SORBS3: variants seen among roughly 807,000 people sequenced by gnomAD.
SORBS3 encodes sorbin and SH3 domain containing 3.
SORBS3 carries 69 observed loss-of-function variants against 98.0 expected under a neutral mutation model. That is an observed-to-expected ratio of 0.70 (90% CI 0.58 to 0.86). SORBS3 has a LOEUF of 0.86. Among genes scored for constraint, SORBS3 ranks in the 40% least tolerant of loss-of-function variants. The pLI, the probability that SORBS3 is intolerant of heterozygous loss-of-function variation, is 0.00. For missense variants in SORBS3, 954 were observed against 908.5 expected, an observed-to-expected ratio of 1.05 and a Z score of -0.64; for synonymous variants, 394 against 355.4, an observed-to-expected ratio of 1.11 and a Z score of -1.22.
chr8:22,566,888 T>G lies in SORBS3; in HGVS notation c.1190+20T>G. 6.2e-7 allele frequency: 1 copy of G among 1,602,072 alleles called. No homozygotes were observed. The highest frequency in any genetic ancestry group is 8.5e-7 in the Non-Finnish European group (1 of 1,174,148). Reference sequence around the variant, plus strand: ...CCCCAAGTAAGCGCCCTCCTCCCCCTCCCCTTCCACCCAAGGCAATCTCTG... The same window carrying G: ...CCCCAAGTAAGCGCCCTCCTCCCCCGCCCCTTCCACCCAAGGCAATCTCTG... On this transcript the variant is annotated intron_variant, in intron 15 of 20. Transcript: ENST00000240123.
Position 22,556,872 on chromosome 8 carries a change from C to A in SORBS3, c.378C>A (p.Pro126=). Residue 126 remains proline (P), a synonymous_variant, in exon 4 of 21, where the codon CCC becomes CCA. Transcript: ENST00000240123. ...GGGTCAAGTACGAGGGAATCGGGCC[C>A]GTGGACGAGAGCGGCATGCCCATTG... ...KRWVKYEGIG[P]VDESGMPIAP... is the part of the protein sequence containing the mutation. 1 of 1,613,304 alleles carries A rather than the reference C, an allele frequency of 6.2e-7. No homozygotes were observed. The highest frequency in any genetic ancestry group is 8.5e-7 in the Non-Finnish European group (1 of 1,180,028).
chr8:22,571,736 C>T lies in SORBS3; in HGVS notation c.1762C>T (p.Pro588Ser), dbSNP rs2117299541. ...CTCCCAGAATCTTGGCACCCCTGGT[C>T]CAGCTCTGTCCCACTCTCGAGGTCC... ...PQTQNLGTPG[P>S]ALSHSRGPSH... The change falls in exon 19 of 21, where the codon CCA (proline) becomes TCA (serine). Residue 588 changes from proline to serine, a missense_variant. Transcript: ENST00000240123. 6.2e-7 allele frequency: 1 copy of T among 1,613,810 alleles called. No homozygotes were observed. The highest frequency in any genetic ancestry group is 1.3e-5 in the African/African-American group (1 of 75,030).
chr8:22,545,456 G>C (rs1178137037), intron 1 of SORBS3: 1 of 152,270 alleles, frequency 6.6e-6, no homozygotes, highest in African/African-American at 2.4e-5. Flanking sequence ...AGAGTGAATG[G>C]GGTCAGTGTT....
intron 10 of SORBS3, 28 bp downstream of exon 10, chr8:22,564,549 C>A: frequency 6.2e-7 from 1 of 1,613,406 alleles, no homozygotes; most frequent in Non-Finnish European, 8.5e-7. Context: ...CTGGGGACAG[C>A]AGCCTGATAA....
Position 22,566,721 on chromosome 8 carries a change from G to C in SORBS3, c.1143+8G>C, listed in dbSNP as rs925099791. 1.9e-6 allele frequency: 3 copies of C among 1,613,458 alleles called. No homozygotes were observed. The highest frequency in any genetic ancestry group is 1.3e-5 in the African/African-American group (1 of 74,916). ...AGGAGGGAAGAGAAGAAGGTAAGGA[G>C]GGGACCAGGTGTGGGGGACCTGGAG... is the stretch of plus-strand genomic sequence containing the variant. On this transcript the variant is annotated splice_region_variant and intron_variant, in intron 14 of 20. Coordinates refer to ENST00000240123, the MANE Select transcript of SORBS3 (RefSeq NM_005775.5).
intron 19 of SORBS3, 43 bp downstream of exon 19, chr8:22,571,864 C>A: frequency 2.2e-6 from 3 of 1,379,312 alleles, no homozygotes; most frequent in South Asian, 2.3e-5. Context: ...TGGGGGGGGT[C>A]ACTGGCAGGC....
Position 22,566,927 on chromosome 8 carries a change from G to A in SORBS3, c.1190+59G>A, listed in dbSNP as rs535288562. 2,650 of 1,584,974 alleles carry A rather than the reference G, an allele frequency of 1.7e-3. 4 individuals are homozygous for A. Among genetic ancestry groups the A allele is most frequent in the South Asian group, 3.4e-3 (302 of 89,116 alleles). ...AGGCAATCTCTGCCATCCCAGAGGG[G>A]GATGGGGAGGGGGACTGGGCTGCAG... On this transcript the variant is annotated intron_variant, in intron 15 of 20. Coordinates refer to ENST00000240123, the MANE Select transcript of SORBS3 (RefSeq NM_005775.5).
At chr8:22,550,360 T>C (rs1314932302), upstream of SORBS3, among the ~76,000 whole-genome samples, 1 of 152,184 alleles carries the variant, frequency 6.6e-6, no homozygotes, top group East Asian at 1.9e-4. Context: ...GCCCCACAAC[T>C]GGCAGACTCA....
At chr8:22,572,277 C>T (rs896719753) in intron 19 of SORBS3, 63 bp from the exon 20 acceptor site, 46 of 1,351,170 alleles carry the variant, frequency 3.4e-5, no homozygotes, top group Middle Eastern at 1.8e-4. Context: ...TCACAGGAAG[C>T]GGCAACACTT....
In SORBS3 at chr8:22,565,350, C is replaced by T. The variant is rs1175921504; in HGVS notation, c.899C>T (p.Pro300Leu). 1 of 1,551,380 alleles carries T rather than the reference C, an allele frequency of 6.4e-7. No homozygotes were observed. The highest frequency in any genetic ancestry group is 1.9e-5 in the Admixed American group (1 of 51,292). Residue 300 changes from proline to leucine, a missense_variant, in exon 11 of 21, where the codon CCC (proline) becomes CTC (leucine). Pro to Leu is a moderately conservative substitution (Grantham distance 98, BLOSUM62 -3). Coordinates refer to ENST00000240123, the MANE Select transcript of SORBS3 (RefSeq NM_005775.5). ...LRAIETRLPS[P>L]KSSPAPRRAP... ...GCAATTGAGACCCGACTGCCGTCCCCCAAGGTACCAGCCCCCAGGGTTCAC... is the reference window on the plus strand; with the variant it reads ...GCAATTGAGACCCGACTGCCGTCCCTCAAGGTACCAGCCCCCAGGGTTCAC...
At chr8:22,565,943 G>A (rs1840404602) in intron 12 of SORBS3, 71 bp downstream of exon 12, 1 of 1,092,782 alleles carries the variant, frequency 9.2e-7, no homozygotes. Flanking sequence ...GCGCGGCCGG[G>A]CGGGGCGGAC....
At position 22,565,871 on chromosome 8, in the gene SORBS3, G is replaced by A. The variant is rs1200832716; in HGVS notation, c.949G>A (p.Gly317Ser). The change falls in exon 12 of 21, where the codon GGC becomes AGC. Residue 317 changes from glycine to serine, a missense_variant and splice_region_variant. By Grantham distance (56) the Gly-to-Ser change is moderately conservative. Transcript: ENST00000240123. ...GGCCCCGGAGCAGCGGCCCCCGGCC[G>A]GGTGAGTGGGAGACGCGGGAGGAGG... Reference protein sequence around the residue: ...RRAPEQRPPAGPASAWSSSYP... With the variant: ...RRAPEQRPPASPASAWSSSYP... 7 of 1,261,960 alleles carry A rather than the reference G, an allele frequency of 5.5e-6. No individual in the cohort carries two copies. Among genetic ancestry groups the A allele is most frequent in the South Asian group, 2.8e-5 (1 of 35,988 alleles). The allele number at this position is 1,261,960 out of a possible 1,614,324, so 78.2% of individuals were successfully genotyped here. A position where few individuals can be genotyped will look rare whatever the true frequency, so the allele number is the denominator to read the frequency against.
chr8:22,571,769 C>A lies in SORBS3; in HGVS notation c.1795C>A (p.Pro599Thr). 6.2e-7 allele frequency: 1 copy of A among 1,613,976 alleles called. No homozygotes were observed. Residue 599 changes from proline (P) to threonine (T), a missense_variant, in exon 19 of 21, where the codon CCC becomes ACC. Pro to Thr is a conservative substitution (Grantham distance 38). Transcript: ENST00000240123. The part of the protein sequence containing the change: ...ALSHSRGPSH[P>T]LDLGTSSPNT... ...GTCCCACTCTCGAGGTCCCAGCCAT[C>A]CCCTGGACCTGGGGACCTCCTCTCC... is the stretch of plus-strand genomic sequence containing the variant.
chr8:22,571,006 G>GT lies in SORBS3; in HGVS notation c.1529dup (p.Gln511AlafsTer5). The GT allele has an allele frequency of 6.2e-7, 1 of 1,613,738 alleles. No homozygotes were observed. Among genetic ancestry groups the GT allele is most frequent in the Non-Finnish European group, 8.5e-7 (1 of 1,179,952 alleles). On this transcript the variant is annotated frameshift_variant, in exon 18 of 21. Transcript: ENST00000240123. LOFTEE classifies it high-confidence loss of function. ...CCAAGGCATATTCCCTGCCAGCTAC[G>GT]TGCAGGTGTCTCGTGAACCCCGGCT...
chr8:22,551,709 C>A, upstream of SORBS3: 1 of 983,812 alleles, frequency 1.0e-6, no homozygotes, highest in Non-Finnish European at 1.2e-6. This position sits in a 1 kb window ranked among gnomAD's most constrained non-coding sequence, Gnocchi z 5.8. Flanking sequence ...CGCGCCCCGA[C>A]GGACGGAGAG....
intron 20 of SORBS3, 128 bp downstream of exon 20, chr8:22,572,574 C>G: frequency 4.0e-6 from 3 of 751,986 alleles, no homozygotes; most frequent in Admixed American, 2.2e-5. Flanking sequence ...TCCGGCCGGG[C>G]TACTGGGGGG....
At chr8:22,546,333 A>G (rs955877725) in intron 1 of SORBS3, among the ~76,000 whole-genome samples, 3 of 152,182 alleles carry the variant, frequency 2.0e-5, no homozygotes, top group Non-Finnish European at 4.4e-5. Context: ...TACTCATTTA[A>G]TAATTCCAGA....
chr8:22,561,167 G>C, intron 5 of SORBS3, 168 bp from the exon 6 acceptor site: 1 of 640,538 alleles, frequency 1.6e-6, no homozygotes, highest in Non-Finnish European at 2.6e-6. Flanking sequence ...AAGCCCTCCA[G>C]AGAGCTGCCC....
intron 16 of SORBS3, 50 bp downstream of exon 16, chr8:22,567,225 G>T: frequency 7.7e-7 from 1 of 1,304,238 alleles, no homozygotes. Context: ...AGGGCGCAGG[G>T]GTTGGGAGAG....
Sources: gnomAD v4.1 joint callset for allele counts (sites outside exome capture counted in the v4.1 genomes callset) on GRCh38, gnomAD v4.1.1 for gene constraint, Gnocchi (gnomAD v3.1) non-coding constraint, MANE v1.5 for transcripts, NCBI Gene and HGNC (gene_info 2026-07-23, HGNC 2026-07-21) for gene names.